MPND: variants seen among roughly 807,000 people sequenced by gnomAD.
MPND encodes MPN domain containing, also known as MPN domain-containing protein.
A neutral mutation model predicts 59.2 loss-of-function variants in MPND; 56 were observed. The observed-to-expected ratio is 0.95, with a 90% CI of 0.76 to 1.18. The LOEUF (loss-of-function observed/expected upper bound fraction) is 1.18, where lower values mean the gene tolerates loss of function less well. Ranked by LOEUF, MPND falls within the 50% of genes most tolerant of loss-of-function variation. The pLI is 0.00. For missense variants in MPND, 671 were observed against 676.0 expected (o/e 0.99, Z 0.08); for synonymous variants, 323 against 291.9 (o/e 1.11, Z -1.09).
intron 8 of MPND, among the ~76,000 whole-genome samples, chr19:4,356,388 A>T (rs1224317336): frequency 6.6e-6 from 1 of 151,954 alleles, no homozygotes; most frequent in Non-Finnish European, 1.5e-5. Flanking sequence ...TACAAAAGAT[A>T]AAAAAAATTA....
chr19:4,353,900 C>A, intron 4 of MPND, 145 bp from the exon 5 acceptor site: 2 of 663,268 alleles, frequency 3.0e-6, no homozygotes, highest in South Asian at 1.8e-5. Context: ...GTGATCACAG[C>A]TCCCTGCAGC....
intron 3 of MPND, among the ~76,000 whole-genome samples, chr19:4,351,619 T>C (rs948611450): frequency 5.9e-5 from 9 of 151,636 alleles, no homozygotes; most frequent in African/African-American, 1.9e-4. Flanking sequence ...TCCCAGCACT[T>C]TGGGTGGCCG....
chr19:4,345,901 A>G lies in MPND; in HGVS notation c.451A>G (p.Lys151Glu). The change falls in exon 3 of 13, where the codon AAA becomes GAA. Residue 151 changes from lysine (K) to glutamate (E), a missense_variant. Lys to Glu is a moderately conservative substitution (Grantham distance 56). Coordinates refer to ENST00000599840, the MANE Select transcript of MPND (RefSeq NM_001300862.2). ...CTGTGGCTGGGCCTCTGTCAAGTAC[A>G]AAGGCCAGAAACTGGACAAGTACAA... ...SGCGWASVKY[K>E]GQKLDKYKAT... is the part of the protein sequence containing the mutation. 6.2e-7 allele frequency: 1 copy of G among 1,613,954 alleles called. No homozygotes were observed. Among genetic ancestry groups the G allele is most frequent in the Non-Finnish European group, 8.5e-7 (1 of 1,180,026 alleles).
rs535582494 is a variant in MPND at position 4,344,666 on chromosome 19, T to A, written c.294+672T>A. 3.0e-3 allele frequency among the ~76,000 whole-genome samples: 454 copies of A among 152,092 alleles called. 1 individual carries two copies. Among genetic ancestry groups the A allele is most frequent in the African/African-American group, 0.01 (433 of 41,492 alleles). On this transcript the variant is annotated intron_variant, in intron 2 of 12. Coordinates refer to ENST00000599840, the MANE Select transcript of MPND (RefSeq NM_001300862.2). ...CCACCATGGGAAAATTAGGGGATGG[T>A]TAAATGAATAAAGCCCTCAGCAGGC...
chr19:4,348,065 T>C (rs1972226735), intron 3 of MPND: 2 of 151,558 alleles, frequency 1.3e-5, no homozygotes, highest in Admixed American at 1.3e-4. Flanking sequence ...CTAATTTTTA[T>C]ATTTTTAGTA....
At chr19:4,343,646 G>GGGGCGCGGGGCTGCAA in intron 1 of MPND, 46 bp downstream of exon 1, 4 of 1,204,904 alleles carry the variant, frequency 3.3e-6, no homozygotes, top group South Asian at 8.3e-5. Flanking sequence ...CGGGGCTGCA[G>GGGGCGCGGGGCTGCAA]GGGCGCGGGG....
chr19:4,359,062 G>A (rs1972513830), intron 11 of MPND, 101 bp from the exon 12 acceptor site: 1 of 751,654 alleles, frequency 1.3e-6, no homozygotes, highest in South Asian at 1.5e-5. Flanking sequence ...TTAGTGATGG[G>A]GTCATGTCTC....
chr19:4,357,190 C>A, intron 8 of MPND, 63 bp from the exon 9 acceptor site: 10 of 1,499,482 alleles, frequency 6.7e-6, no homozygotes, highest in Non-Finnish European at 8.9e-6. Flanking sequence ...GGCTGGCCAG[C>A]CACATAAGCT....
In MPND at chr19:4,360,001, G is replaced by A; in HGVS notation, c.1505G>A (p.Ter502=). The A allele has an allele frequency of 1.9e-6, 3 of 1,559,642 alleles. No homozygotes were observed. The highest frequency in any genetic ancestry group is 1.4e-5 in the African/African-American group (1 of 73,386). ...TGCGGCGTCCTCAAGCAGGGGAGCT[G>A]AGCCTTCCAGGGCAGGGTGGGCTCC... ...QVCGVLKQGS[*] Residue 502 remains the stop codon, a stop_retained_variant, in exon 13 of 13, where the codon TGA becomes TAA. Coordinates refer to ENST00000599840, the MANE Select transcript of MPND (RefSeq NM_001300862.2).
At chr19:4,359,339 C>T in intron 12 of MPND, 84 bp downstream of exon 12, 3 of 1,022,686 alleles carry the variant, frequency 2.9e-6, no homozygotes, top group Non-Finnish European at 4.5e-6. Context: ...GCAATGAGCC[C>T]CGTGGGCCTC....
chr19:4,355,954 A>G (rs934264096), intron 8 of MPND, among the ~76,000 whole-genome samples: 21 of 147,752 alleles, frequency 1.4e-4, no homozygotes, highest in Non-Finnish European at 3.0e-4. Flanking sequence ...TCCGGATTCA[A>G]GTGATTCTCC....
intron 3 of MPND, among the ~76,000 whole-genome samples, chr19:4,349,864 T>C (rs529374359): frequency 6.6e-6 from 1 of 152,314 alleles, no homozygotes; most frequent in Admixed American, 6.5e-5. Context: ...ATGAATCACA[T>C]GTAACAAATG....
intron 8 of MPND, among the ~76,000 whole-genome samples, chr19:4,356,348 C>T (rs1006328159): frequency 1.3e-5 from 2 of 152,042 alleles, no homozygotes; most frequent in East Asian, 3.9e-4. Context: ...AGTTCAACAC[C>T]AGCCTGGGGC....
At chr19:4,355,295 C>T (rs1224988971) in intron 8 of MPND, 122 bp downstream of exon 8, 8 of 887,758 alleles carry the variant, frequency 9.0e-6, no homozygotes, top group Non-Finnish European at 5.4e-6. Context: ...GCATGCCCGT[C>T]TGTGTGCTTG....
intron 8 of MPND, 31 bp from the exon 9 acceptor site, chr19:4,357,222 T>C (rs749773192): frequency 1.9e-6 from 3 of 1,556,390 alleles, no homozygotes; most frequent in East Asian, 2.3e-5. Flanking sequence ...TTCAGGCCCC[T>C]GTGCCCGCTG....
chr19:4,344,734 AC>A (rs1972146150), intron 2 of MPND, among the ~76,000 whole-genome samples: 1 of 139,062 alleles, frequency 7.2e-6, no homozygotes, highest in East Asian at 2.0e-4. Flanking sequence ...AGGTATTAGT[AC>A]TTTTTTTTTT....
At chr19:4,347,805 C>A in intron 3 of MPND, 1 of 398,134 alleles carries the variant, frequency 2.5e-6, no homozygotes, top group South Asian at 3.3e-5. Context: ...CATGATCCTC[C>A]TTAGTCAGTC....
intron 3 of MPND, among the ~76,000 whole-genome samples, chr19:4,351,382 C>T (rs186942586): frequency 3.3e-5 from 5 of 152,228 alleles, no homozygotes; most frequent in Admixed American, 1.3e-4. Flanking sequence ...GGATTGCAGG[C>T]GTGGGCCACT....
At position 4,343,926 on chromosome 19, in the gene MPND, A is replaced by ACAG; in HGVS notation, c.228_229insGCA (p.Thr76_Leu77insAla). On this transcript the variant is annotated inframe_insertion, in exon 2 of 13. Coordinates refer to ENST00000599840, the MANE Select transcript of MPND (RefSeq NM_001300862.2). ...GGGCGCGCTCACCAGGCGCGCGGTC[A>ACAG]CACTGCGGGTGCTCCTCAAAGACGC... 1.5e-6 allele frequency: 2 copies of ACAG among 1,319,412 alleles called. No individual in the cohort carries two copies. The highest frequency in any genetic ancestry group is 1.9e-6 in the Non-Finnish European group (2 of 1,034,934). The allele number at this position is 1,319,412 out of a possible 1,614,324, so 81.7% of individuals were successfully genotyped here.
Sources: gnomAD v4.1 joint callset for allele counts (sites outside exome capture counted in the v4.1 genomes callset) on GRCh38, gnomAD v4.1.1 for gene constraint, MANE v1.5 for transcripts, NCBI Gene and HGNC (gene_info 2026-07-23, HGNC 2026-07-21) for gene names.